The following GAS6 variants were observed in gnomAD, a reference collection of about 807,000 sequenced individuals.
GAS6 encodes the protein growth arrest specific 6, also known as growth arrest-specific protein 6.
In GAS6, 41 loss-of-function variants were observed where a neutral mutation model predicts 75.8. The observed-to-expected ratio is 0.54, with a 90% CI of 0.42 to 0.70. The LOEUF is 0.70. GAS6 is among the 30% of genes least tolerant of loss of function. The pLI, the probability that GAS6 is intolerant of heterozygous loss-of-function variation, is 0.00. For missense variants in GAS6, 854 were observed against 940.2 expected (o/e 0.91, Z 1.20); for synonymous variants, 432 against 412.6 (o/e 1.05, Z -0.57).
chr13:113,830,008 C>G (rs2051610365), intron 10 of GAS6, among the ~76,000 whole-genome samples: 1 of 152,236 alleles, frequency 6.6e-6, no homozygotes, highest in African/African-American at 2.4e-5. Flanking sequence ...AAGAGGGTCC[C>G]AACCTCAGAG....
At chr13:113,858,440 CAT>C (rs1332304660) in intron 2 of GAS6, among the ~76,000 whole-genome samples, 13 of 150,770 alleles carry the variant, frequency 8.6e-5, no homozygotes, top group Admixed American at 2.0e-4. Flanking sequence ...TGCATGTGTA[CAT>C]GTCTGCTAGT....
chr13:113,838,862 T>C (rs564592118), intron 5 of GAS6, among the ~76,000 whole-genome samples: 2 of 140,896 alleles, frequency 1.4e-5, no homozygotes, highest in Non-Finnish European at 3.1e-5. Context: ...AGAGAGATCC[T>C]AGAGGTGCAC....
intron 2 of GAS6, among the ~76,000 whole-genome samples, chr13:113,855,767 G>A (rs137995930): frequency 3.9e-5 from 6 of 152,238 alleles, no homozygotes; most frequent in Non-Finnish European, 5.9e-5. Context: ...ACCAATAGTC[G>A]CCAAGAGTGC....
chr13:113,857,170 A>T (rs976714318), intron 2 of GAS6, among the ~76,000 whole-genome samples: 5 of 152,178 alleles, frequency 3.3e-5, no homozygotes, highest in Admixed American at 2.6e-4. Context: ...TTTCACCTAT[A>T]ATTTGAAAAC....
At chr13:113,823,696 A>G in intron 12 of GAS6, 146 bp from the exon 13 acceptor site, 1 of 810,106 alleles carries the variant, frequency 1.2e-6, no homozygotes, top group Non-Finnish European at 1.9e-6. Context: ...GGAAAACTCA[A>G]CAGACTGGTT....
chr13:113,820,660 C>T lies in GAS6; in HGVS notation c.*204G>A, dbSNP rs562456447. 459 of 586,810 alleles carry T rather than the reference C, an allele frequency of 7.8e-4. No homozygotes were observed. The highest frequency in any genetic ancestry group is 6.3e-3 in the African/African-American group (340 of 53,976). The allele number at this position is 586,810 out of a possible 1,614,324, so 36.4% of individuals were successfully genotyped here. A position where few individuals can be genotyped will look rare whatever the true frequency, so the allele number is the denominator to read the frequency against. ...TCTTCGAGCCCGCTCTGCGCTGCGC[C>T]GGCCTCCCCGCGCCCGGGCCCACGG... On this transcript the variant is annotated 3_prime_UTR_variant, in exon 15 of 15. Coordinates refer to ENST00000327773, the MANE Select transcript of GAS6 (RefSeq NM_000820.4).
At chr13:113,840,556 T>A (rs2051764285) in intron 4 of GAS6, 1 of 152,090 alleles carries the variant, frequency 6.6e-6, no homozygotes, top group African/African-American at 2.4e-5. Context: ...AACACATTCA[T>A]ACGAGGAGCT....
At position 113,837,924 on chromosome 13, in the gene GAS6, G is replaced by T; in HGVS notation, c.589+145C>A. On this transcript the variant is annotated intron_variant, in intron 6 of 14. Coordinates refer to ENST00000327773, the MANE Select transcript of GAS6 (RefSeq NM_000820.4). This position sits in a 1 kb window ranked among gnomAD's most constrained non-coding sequence, Gnocchi z 5.1. ...GCTCCCTGTGCTGCGGCTGGCCTGG[G>T]CTTGTGTAGTCTCTGCAGGATGCCC... is the stretch of plus-strand genomic sequence containing the variant. The T allele has an allele frequency of 1.1e-6, 1 of 939,604 alleles. No homozygotes were observed. The highest frequency in any genetic ancestry group is 1.6e-6 in the Non-Finnish European group (1 of 628,380). 58.2% of individuals were successfully genotyped at this position (939,604 alleles called of 1,614,324 possible).
chr13:113,854,952 C>T (rs1016357441), intron 2 of GAS6, among the ~76,000 whole-genome samples: 1 of 152,218 alleles, frequency 6.6e-6, no homozygotes, highest in Non-Finnish European at 1.5e-5. Flanking sequence ...GAGGGTTCCT[C>T]CGTGCCCACC....
chr13:113,864,071 C>G lies in GAS6; in HGVS notation c.-151G>C, dbSNP rs2051997249. On this transcript the variant is annotated 5_prime_UTR_variant, in exon 1 of 15. Transcript: ENST00000327773. ...CGGCGGCTGCGGCACCTCAAGCGCT[C>G]GGTCTGGGCGTGTTCGGGCGGCTGC... is the stretch of plus-strand genomic sequence containing the variant. The G allele has an allele frequency of 2.5e-6, 2 of 805,304 alleles. No homozygotes were observed. Among genetic ancestry groups the G allele is most frequent in the Non-Finnish European group, 3.0e-6 (2 of 663,776 alleles). The allele number at this position is 805,304 out of a possible 1,614,324, so 49.9% of individuals were successfully genotyped here.
intron 2 of GAS6, among the ~76,000 whole-genome samples, chr13:113,861,184 G>A (rs947459921): frequency 1.3e-5 from 2 of 152,216 alleles, no homozygotes; most frequent in East Asian, 1.9e-4. Flanking sequence ...GAGCACACTG[G>A]AGAGCTGGCT....
chr13:113,826,316 G>A (rs963338441), intron 12 of GAS6, among the ~76,000 whole-genome samples: 3 of 152,234 alleles, frequency 2.0e-5, no homozygotes, highest in Non-Finnish European at 2.9e-5. Context: ...CTGTGCCCCT[G>A]GACGAGTCCT....
At chr13:113,829,244 A>T (rs1369831421) in intron 10 of GAS6, among the ~76,000 whole-genome samples, 4 of 134,710 alleles carry the variant, frequency 3.0e-5, no homozygotes, top group Non-Finnish European at 6.3e-5. Context: ...CAGGCAGACC[A>T]CATGATCCTC....
At chr13:113,857,395 G>T (rs1377658092) in intron 2 of GAS6, among the ~76,000 whole-genome samples, 1 of 152,144 alleles carries the variant, frequency 6.6e-6, no homozygotes, top group Non-Finnish European at 1.5e-5. Flanking sequence ...CACTTGGCCA[G>T]GGTCAAAATT....
intron 2 of GAS6, among the ~76,000 whole-genome samples, chr13:113,859,864 C>T (rs539865617): frequency 6.6e-6 from 1 of 152,286 alleles, no homozygotes; most frequent in South Asian, 2.1e-4. Context: ...GTACAGCCCT[C>T]CCCTCCAACA....
Position 113,820,886 on chromosome 13 carries a change from G to C in GAS6, c.2015C>G (p.Pro672Arg). The change falls in exon 15 of 15, where the codon CCC (proline) becomes CGC (arginine). Residue 672 changes from proline (P) to arginine (R), a missense_variant. Physicochemically the swap from Pro to Arg is moderately radical, Grantham distance 103. Coordinates refer to ENST00000327773, the MANE Select transcript of GAS6 (RefSeq NM_000820.4). ...GGCCTAGGCTGCGGCGGGCTCCACGGGGGGGCAGGAGTGGGCCGTGATGTC... is the reference window on the plus strand; with the variant it reads ...GGCCTAGGCTGCGGCGGGCTCCACGCGGGGGCAGGAGTGGGCCGTGATGTC... ...HSDITAHSCP[P>R]VEPAAA The C allele has an allele frequency of 1.9e-6, 3 of 1,611,244 alleles. No homozygotes were observed. Among genetic ancestry groups the C allele is most frequent in the Non-Finnish European group, 1.7e-6 (2 of 1,179,776 alleles).
chr13:113,859,087 T>C (rs1004764544), intron 2 of GAS6, among the ~76,000 whole-genome samples: 10 of 149,920 alleles, frequency 6.7e-5, no homozygotes, highest in Non-Finnish European at 1.2e-4. Context: ...AATGTGTGCA[T>C]GTATGTGTGT....
chr13:113,848,509 A>T lies in GAS6; in HGVS notation c.256-459T>A, dbSNP rs769874616. Among the ~76,000 whole-genome samples the T allele has an allele frequency of 6.6e-6, 1 of 152,164 alleles. No individual in the cohort carries two copies. Among genetic ancestry groups the T allele is most frequent in the Non-Finnish European group, 1.5e-5 (1 of 68,034 alleles). ...GGAGGCTGTAATGAAGGGTCTTCTT[A>T]TCCATGAAAGCGCACTGACGAGGTC... On this transcript the variant is annotated intron_variant, in intron 2 of 14. Coordinates refer to ENST00000327773, the MANE Select transcript of GAS6 (RefSeq NM_000820.4). This position sits in a 1 kb window ranked among gnomAD's most constrained non-coding sequence, Gnocchi z 4.8.
intron 2 of GAS6, among the ~76,000 whole-genome samples, chr13:113,861,609 G>C (rs548051972): frequency 1.3e-5 from 2 of 152,298 alleles, no homozygotes; most frequent in African/African-American, 4.8e-5. Flanking sequence ...TCCCAAGAGT[G>C]TGGCAGAGGA....
Sources: gnomAD v4.1 joint callset for allele counts (sites outside exome capture counted in the v4.1 genomes callset) on GRCh38, gnomAD v4.1.1 for gene constraint, Gnocchi (gnomAD v3.1) non-coding constraint, MANE v1.5 for transcripts, NCBI Gene and HGNC (gene_info 2026-07-23, HGNC 2026-07-21) for gene names.